The following CCNQ variants were observed in gnomAD, a reference collection of about 807,000 sequenced individuals.
CCNQ encodes the protein cyclin Q, also known as cyclin-Q.
Under a neutral mutation model 17.7 loss-of-function variants are expected in CCNQ, and 3 were observed. The ratio of observed to expected loss-of-function variants is 0.17; its 90% CI spans 0.08 to 0.44. CCNQ has a LOEUF of 0.44. CCNQ is among the 20% of genes least tolerant of loss of function. The probability of loss-of-function intolerance (pLI) is 0.99; values close to 1 mark genes in which losing one functional copy is unlikely to be tolerated. For missense variants in CCNQ, 146 were observed against 222.6 expected (o/e 0.66, Z 2.19); for synonymous variants, 73 against 96.0 (o/e 0.76, Z 1.40).
intron 3 of CCNQ, among the ~76,000 whole-genome samples, chrX:153,593,478 G>C (rs1557026272): frequency 9.0e-6 from 1 of 111,544 alleles, no homozygotes; most frequent in Non-Finnish European, 1.9e-5. Context: ...AAGCCCTGTC[G>C]CCTTGACAAC....
In CCNQ at chrX:153,592,521, C is replaced by T; in HGVS notation, c.642G>A (p.Glu214=). Residue 214 remains glutamate (E), a synonymous_variant, in exon 4 of 5, where the codon GAG becomes GAA. Coordinates refer to ENST00000576892, the MANE Select transcript of CCNQ (RefSeq NM_152274.5). ...GCCACCTCACCTGCCACCACGGCTT[C>T]TCAGCCTCGACCTCGGCGGGCACCT... ...GVEVPAEVEA[E]KPWWQVFNDD... is the part of the protein sequence containing the mutation. 1.6e-6 allele frequency: 2 copies of T among 1,212,400 alleles called. No individual in the cohort carries two copies. Among genetic ancestry groups the T allele is most frequent in the Non-Finnish European group, 2.2e-6 (2 of 895,531 alleles).
chrX:153,596,876 T>C (rs1156921788), intron 1 of CCNQ, among the ~76,000 whole-genome samples: 1 of 112,524 alleles, frequency 8.9e-6, no homozygotes, highest in East Asian at 2.8e-4. Flanking sequence ...ACGCCTGTAA[T>C]CCCAGCACTT....
intron 3 of CCNQ, 86 bp downstream of exon 3, chrX:153,594,461 G>C: frequency 2.7e-6 from 3 of 1,091,826 alleles, no homozygotes; most frequent in Non-Finnish European, 3.8e-6. Flanking sequence ...GTGCTCTCGA[G>C]TATGAGATGG....
Position 153,594,174 on chromosome X carries a change from C to A in CCNQ, c.429+373G>T, listed in dbSNP as rs1408882358. Among the ~76,000 whole-genome samples, 3 of 112,883 alleles carry A rather than the reference C, an allele frequency of 2.7e-5. No individual in the cohort carries two copies. The Admixed American group carries it at 2.8e-4, about 11-fold the overall frequency. On this transcript the variant is annotated intron_variant, in intron 3 of 4. Coordinates refer to ENST00000576892, the MANE Select transcript of CCNQ (RefSeq NM_152274.5). ...GGCGTGCTCCGAGGCATCACAGCAT[C>A]CCCTGGGGACGGGGACTCTGGCCGG...
In CCNQ at chrX:153,596,272, A is replaced by G. The variant is rs56412501; in HGVS notation, c.113-85T>C. On this transcript the variant is annotated intron_variant, in intron 1 of 4. Transcript: ENST00000576892. Reference sequence around the variant, plus strand: ...GAGGGGAGCCATTGGAATGGGCCCTAGCAGGTACAACCCTACTTGGACAAG... The same window carrying G: ...GAGGGGAGCCATTGGAATGGGCCCTGGCAGGTACAACCCTACTTGGACAAG... The G allele has an allele frequency of 0.056, 57,226 of 1,016,224 alleles. 1,411 individuals carry two copies. The highest frequency in any genetic ancestry group is 0.15 in the African/African-American group (7,938 of 53,504). 83.7% of individuals were successfully genotyped at this position (1,016,224 alleles called of 1,213,427 possible).
intron 1 of CCNQ, 46 bp downstream of exon 1, chrX:153,598,916 G>A: frequency 4.1e-6 from 4 of 973,908 alleles, no homozygotes; most frequent in Non-Finnish European, 5.4e-6. Flanking sequence ...GCTCCGCGAA[G>A]CGGGCCGCGG....
At chrX:153,591,280 TAGCAGAGCCTTTA>T (rs2090989563) in intron 4 of CCNQ, among the ~76,000 whole-genome samples, 2 of 111,793 alleles carry the variant, frequency 1.8e-5, no homozygotes, top group Non-Finnish European at 3.8e-5. Flanking sequence ...AGGTCAAGTT[TAGCAGAGCCTTTA>T]AGAAGAGCTG....
At chrX:153,591,991 T>C (rs1394054297) in intron 4 of CCNQ, among the ~76,000 whole-genome samples, 3 of 110,787 alleles carry the variant, frequency 2.7e-5, no homozygotes, top group Non-Finnish European at 5.7e-5. Flanking sequence ...AGCTGTCCTA[T>C]GCACAGGCCT....
chrX:153,590,655 G>A (rs1031746823), intron 4 of CCNQ, among the ~76,000 whole-genome samples: 1 of 112,140 alleles, frequency 8.9e-6, no homozygotes, highest in African/African-American at 3.2e-5. Flanking sequence ...AATGGTGAAC[G>A]TGGTACAATT....
At chrX:153,589,277 T>C (rs1184283139) in intron 4 of CCNQ, among the ~76,000 whole-genome samples, 5 of 112,767 alleles carry the variant, frequency 4.4e-5, no homozygotes, top group Admixed American at 3.7e-4. Flanking sequence ...ACGGAAACCC[T>C]GGCCGCCATG....
chrX:153,596,211 G>A (rs1557027079), intron 1 of CCNQ, 24 bp from the exon 2 acceptor site: 11 of 1,206,670 alleles, frequency 9.1e-6, no homozygotes, highest in Non-Finnish European at 1.2e-5. Context: ...GCAGGCAAGA[G>A]AGGACTTCAA....
rs782407425 is a variant in CCNQ at position 153,589,286 on chromosome X, T to C, written c.658-832A>G. ...CCTCCCACGGAAACCCTGGCCGCCA[T>C]GGCTGGGATGAGCTTCCCGGTTGTG... is the stretch of plus-strand genomic sequence containing the variant. On this transcript the variant is annotated intron_variant, in intron 4 of 4. Transcript: ENST00000576892. Among the ~76,000 whole-genome samples the C allele has an allele frequency of 9.7e-4, 109 of 112,839 alleles. 1 individual carries two copies. The highest frequency in any genetic ancestry group is 3.4e-3 in the African/African-American group (105 of 31,131).
chrX:153,593,050 C>T lies in CCNQ; in HGVS notation c.430-317G>A, dbSNP rs986234714. Reference sequence around the variant, plus strand: ...CACAGTCCCTCTCCACCACAGGGCCCGCTCTGGCCACCATGAAATTCCTCG... The same window carrying T: ...CACAGTCCCTCTCCACCACAGGGCCTGCTCTGGCCACCATGAAATTCCTCG... On this transcript the variant is annotated intron_variant, in intron 3 of 4. Transcript: ENST00000576892. 8.9e-5 allele frequency among the ~76,000 whole-genome samples: 10 copies of T among 112,380 alleles called. 1 individual carries two copies. The highest frequency in any genetic ancestry group is 3.2e-4 in the African/African-American group (10 of 30,912).
intron 4 of CCNQ, among the ~76,000 whole-genome samples, chrX:153,589,333 A>G (rs1458016220): frequency 8.9e-6 from 1 of 112,651 alleles, no homozygotes; most frequent in Non-Finnish European, 1.9e-5. Context: ...GCTGTCCCAC[A>G]CTGTTGCCGA....
Position 153,596,034 on chromosome X carries a change from C to T in CCNQ, c.266G>A (p.Arg89Gln), listed in dbSNP as rs1557026970. 3 of 1,212,048 alleles carry T rather than the reference C, an allele frequency of 2.5e-6. No individual in the cohort carries two copies. The highest frequency in any genetic ancestry group is 3.5e-5 in the South Asian group (2 of 57,012). Residue 89 changes from arginine to glutamine, a missense_variant, in exon 2 of 5, where the codon CGG becomes CAG. Coordinates refer to ENST00000576892, the MANE Select transcript of CCNQ (RefSeq NM_152274.5). ...GGACACATTGATGATGTCACGAGTCCGCAGGTGCTGCTCTTCCACTTTGCC... is the reference window on the plus strand; with the variant it reads ...GGACACATTGATGATGTCACGAGTCTGCAGGTGCTGCTCTTCCACTTTGCC... ...LAGKVEEQHL[R>Q]TRDIINVSNR...
chrX:153,595,242 C>T (rs1324227802), intron 2 of CCNQ, among the ~76,000 whole-genome samples: 2 of 113,165 alleles, frequency 1.8e-5, no homozygotes, highest in African/African-American at 6.4e-5. Flanking sequence ...CTCAGCTACC[C>T]GAGCAGCTGG....
intron 2 of CCNQ, among the ~76,000 whole-genome samples, chrX:153,595,641 G>A (rs372418098): frequency 5.2e-4 from 59 of 112,550 alleles, no homozygotes; most frequent in African/African-American, 1.8e-3. Context: ...GGCTGGGTCT[G>A]CACCCTCCCG....
intron 1 of CCNQ, among the ~76,000 whole-genome samples, chrX:153,598,672 G>A (rs2091045028): frequency 8.8e-6 from 1 of 112,996 alleles, no homozygotes; most frequent in Non-Finnish European, 1.9e-5. Context: ...CAGAAGGCGT[G>A]GCGCACTGCG....
At position 153,592,431 on chromosome X, in the gene CCNQ, A is replaced by C. The variant is rs1009960816; in HGVS notation, c.657+75T>G. Reference sequence around the variant, plus strand: ...TCTTTCTTCATGGATAATTAATAGAATTTGGTGAGCACTGCAATACAGAGA... The same window carrying C: ...TCTTTCTTCATGGATAATTAATAGACTTTGGTGAGCACTGCAATACAGAGA... On this transcript the variant is annotated intron_variant, in intron 4 of 4. Coordinates refer to ENST00000576892, the MANE Select transcript of CCNQ (RefSeq NM_152274.5). 1.0e-4 allele frequency: 104 copies of C among 990,774 alleles called. 1 individual carries two copies. The highest frequency in any genetic ancestry group is 2.8e-4 in the Admixed American group (12 of 42,115). The allele number at this position is 990,774 out of a possible 1,213,427, so 81.7% of individuals were successfully genotyped here.
Sources: allele counts gnomAD v4.1 joint callset (sites outside exome capture counted in the v4.1 genomes callset), GRCh38; gene constraint gnomAD v4.1.1; transcripts MANE v1.5; gene names NCBI Gene and HGNC (gene_info 2026-07-23, HGNC 2026-07-21).